Variants in LIX1L observed in about 807,000 individuals in gnomAD.
LIX1L encodes limb and CNS expressed 1 like, also known as LIX1-like protein.
In LIX1L, 20 loss-of-function variants were observed where a neutral mutation model predicts 34.0. That is an observed-to-expected ratio of 0.59 (90% CI 0.41 to 0.85). The LOEUF (loss-of-function observed/expected upper bound fraction) is 0.85, where lower values mean the gene tolerates loss of function less well. Among genes scored for constraint, LIX1L ranks in the 40% least tolerant of loss-of-function variants. LIX1L has a pLI of 0.00. For synonymous variants in LIX1L, 170 were observed against 187.4 expected (o/e 0.91, Z 0.76); for missense variants, 397 against 447.0 (o/e 0.89, Z 1.01).
intron 2 of LIX1L, among the ~76,000 whole-genome samples, chr1:145,946,312 C>T (rs1340185417): frequency 6.6e-6 from 1 of 151,372 alleles, no homozygotes; most frequent in Non-Finnish European, 1.5e-5. Context: ...AATTCTCCTG[C>T]CTCAGCCTCC....
Position 145,957,982 on chromosome 1 carries a change from T to C in LIX1L, c.-55A>G. On this transcript the variant is annotated 5_prime_UTR_variant, in exon 1 of 6. Coordinates refer to ENST00000604000, the MANE Select transcript of LIX1L (RefSeq NM_153713.3). ...GCCTGCCAGCCTGCCGAGCTAACGG[T>C]CCCAACCACCCCAGTCAGCTAGCGC... The C allele has an allele frequency of 7.9e-7, 1 of 1,270,304 alleles. No homozygotes were observed. The highest frequency in any genetic ancestry group is 1.0e-6 in the Non-Finnish European group (1 of 966,962). The allele number at this position is 1,270,304 out of a possible 1,614,324, so 78.7% of individuals were successfully genotyped here.
chr1:145,951,377 T>C (rs1553759825), intron 1 of LIX1L, among the ~76,000 whole-genome samples: 1 of 152,142 alleles, frequency 6.6e-6, no homozygotes, highest in African/African-American at 2.4e-5. Flanking sequence ...TGGCCAATAA[T>C]AAATTATCTC....
In LIX1L at chr1:145,947,433, G is replaced by A. The variant is rs587660916; in HGVS notation, c.456+186C>T. 2.1e-3 allele frequency: 1,254 copies of A among 605,202 alleles called. 34 individuals are homozygous for A. The South Asian group carries it at 0.029, about 14-fold the overall frequency. The allele number at this position is 605,202 out of a possible 1,614,324, so 37.5% of individuals were successfully genotyped here. On this transcript the variant is annotated intron_variant, in intron 2 of 5. Coordinates refer to ENST00000604000, the MANE Select transcript of LIX1L (RefSeq NM_153713.3). ...CAAAATGGGTTTGAGTTTTTGAAAG[G>A]AAAGCATGCTACTGAGGTTCTACTA...
chr1:145,950,348 C>T (rs914325977), intron 1 of LIX1L: 2 of 152,180 alleles, frequency 1.3e-5, no homozygotes, highest in Non-Finnish European at 2.9e-5. Flanking sequence ...CAATCTCAGA[C>T]TGTAGTACAG....
chr1:145,952,308 G>C (rs1380822796), intron 1 of LIX1L, among the ~76,000 whole-genome samples: 2 of 152,172 alleles, frequency 1.3e-5, no homozygotes, highest in African/African-American at 4.8e-5. Flanking sequence ...ATGGGTATAT[G>C]TGGAGCACCC....
At chr1:145,952,620 T>G (rs1570972638) in intron 1 of LIX1L, among the ~76,000 whole-genome samples, 1 of 152,180 alleles carries the variant, frequency 6.6e-6, no homozygotes, top group African/African-American at 2.4e-5. Context: ...AAAAACTTTT[T>G]TTTTTTTTTG....
rs895273607 is a variant in LIX1L at position 145,933,846 on chromosome 1, C to T, written c.*2464G>A. On this transcript the variant is annotated 3_prime_UTR_variant, in exon 6 of 6. Coordinates refer to ENST00000604000, the MANE Select transcript of LIX1L (RefSeq NM_153713.3). ...AGGGCCTGGAGAATTCAAGGAAGCC[C>T]GTTTCAAGCACTAATAAAATTGTAG... 1 of 152,112 alleles carries T rather than the reference C, an allele frequency of 6.6e-6. No individual in the cohort carries two copies. Among genetic ancestry groups the T allele is most frequent in the Non-Finnish European group, 1.5e-5 (1 of 68,022 alleles). The allele number at this position is 152,112 out of a possible 1,614,324, so 9.4% of individuals were successfully genotyped here.
In LIX1L at chr1:145,957,737, A is replaced by G; in HGVS notation, c.191T>C (p.Leu64Pro). The stretch of plus-strand genomic sequence containing the variant: ...GCCGGCGGCGCCGGGGGGCAGGGGT[A>G]GTCCTGGGGCCCCAGACAGGAGCAG... ...PPLLLSGAPG[L>P]PLPPGAAGSP... The change falls in exon 1 of 6, where the codon CTA becomes CCA. Residue 64 changes from leucine (L) to proline (P), a missense_variant. Transcript: ENST00000604000. The G allele has an allele frequency of 6.9e-7, 1 of 1,443,444 alleles. No individual in the cohort carries two copies. Among genetic ancestry groups the G allele is most frequent in the Non-Finnish European group, 9.1e-7 (1 of 1,102,884 alleles). The allele number at this position is 1,443,444 out of a possible 1,614,324, so 89.4% of individuals were successfully genotyped here.
At chr1:145,951,652 A>G (rs1649303906) in intron 1 of LIX1L, among the ~76,000 whole-genome samples, 1 of 152,226 alleles carries the variant, frequency 6.6e-6, no homozygotes, top group African/African-American at 2.4e-5. Flanking sequence ...TCAAAGGTCA[A>G]TACTGACCAG....
At position 145,933,847 on chromosome 1, in the gene LIX1L, G is replaced by A. The variant is rs16826967; in HGVS notation, c.*2463C>T. 10,790 of 152,104 alleles carry A rather than the reference G, an allele frequency of 0.071. 1,285 individuals carry two copies. Among genetic ancestry groups the A allele is most frequent in the African/African-American group, 0.24 (10,100 of 41,466 alleles). 9.4% of individuals were successfully genotyped at this position (152,104 alleles called of 1,614,324 possible). On this transcript the variant is annotated 3_prime_UTR_variant, in exon 6 of 6. Transcript: ENST00000604000. Reference sequence around the variant, plus strand: ...GGGCCTGGAGAATTCAAGGAAGCCCGTTTCAAGCACTAATAAAATTGTAGC... The same window carrying A: ...GGGCCTGGAGAATTCAAGGAAGCCCATTTCAAGCACTAATAAAATTGTAGC...
At chr1:145,955,049 G>A (rs1421709285) in intron 1 of LIX1L, among the ~76,000 whole-genome samples, 2 of 152,002 alleles carry the variant, frequency 1.3e-5, no homozygotes, top group African/African-American at 2.4e-5. Context: ...ATCAAGATAG[G>A]GACTAAATAT....
chr1:145,951,114 T>G (rs1186963868), intron 1 of LIX1L, among the ~76,000 whole-genome samples: 4 of 152,206 alleles, frequency 2.6e-5, no homozygotes, highest in Non-Finnish European at 5.9e-5. Flanking sequence ...TGGCGCAATC[T>G]TGGCTCACTG....
Position 145,957,855 on chromosome 1 carries a change from G to T in LIX1L, c.73C>A (p.Arg25=). 6.9e-7 allele frequency: 1 copy of T among 1,450,416 alleles called. No homozygotes were observed. The allele number at this position is 1,450,416 out of a possible 1,614,324, so 89.8% of individuals were successfully genotyped here. Residue 25 remains arginine (R), a synonymous_variant, in exon 1 of 6, where the codon CGG becomes AGG. Coordinates refer to ENST00000604000, the MANE Select transcript of LIX1L (RefSeq NM_153713.3). The part of the protein sequence containing the change: ...TSGRGTLRAL[R]PGVTGAAAAT... Reference sequence around the variant, plus strand: ...GCCGCGGCCCCAGTCACTCCGGGCCGCAGCGCTCGGAGAGTGCCCCTCCCG... The same window carrying T: ...GCCGCGGCCCCAGTCACTCCGGGCCTCAGCGCTCGGAGAGTGCCCCTCCCG...
rs1553759377 is a variant in LIX1L, at chr1:145,947,599, T to C, written c.456+20A>G. 1.2e-6 allele frequency: 2 copies of C among 1,612,632 alleles called. No individual in the cohort carries two copies. Among genetic ancestry groups the C allele is most frequent in the East Asian group, 4.5e-5 (2 of 44,844 alleles). ...ACATCTAAGCATTTACCTTTGCTAC[T>C]GCCACCTCACAACTCTTACCTGGAA... On this transcript the variant is annotated intron_variant, in intron 2 of 5. Coordinates refer to ENST00000604000, the MANE Select transcript of LIX1L (RefSeq NM_153713.3).
At position 145,934,475 on chromosome 1, in the gene LIX1L, G is replaced by C. The variant is rs1204848940; in HGVS notation, c.*1835C>G. The C allele has an allele frequency of 6.6e-6, 1 of 151,966 alleles. No individual in the cohort carries two copies. The highest frequency in any genetic ancestry group is 1.5e-5 in the Non-Finnish European group (1 of 68,116). 9.4% of individuals were successfully genotyped at this position (151,966 alleles called of 1,614,324 possible). ...TGTAGTCCCAGCTACTAAGGAGGCT[G>C]AGGCAGGAGAGTGGCGTGAACCCGG... On this transcript the variant is annotated 3_prime_UTR_variant, in exon 6 of 6. Transcript: ENST00000604000.
chr1:145,939,139 G>A (rs1183624540), intron 3 of LIX1L, among the ~76,000 whole-genome samples: 5 of 151,360 alleles, frequency 3.3e-5, no homozygotes, highest in African/African-American at 9.7e-5. Flanking sequence ...CTCCATACCC[G>A]GCTAATTATT....
Position 145,957,929 on chromosome 1 carries a change from C to T in LIX1L, c.-2G>A, listed in dbSNP as rs1343331259. 2.0e-6 allele frequency: 3 copies of T among 1,480,430 alleles called. No homozygotes were observed. Among genetic ancestry groups the T allele is most frequent in the Non-Finnish European group, 2.7e-6 (3 of 1,118,776 alleles). The allele number at this position is 1,480,430 out of a possible 1,614,324, so 91.7% of individuals were successfully genotyped here. A position where few individuals can be genotyped will look rare whatever the true frequency, so the allele number is the denominator to read the frequency against. Reference sequence around the variant, plus strand: ...CCGCTGCGCTCGCATAGTCTCCATCCCGGCCGCCAATGGAGTAGCGCCCCG... The same window carrying T: ...CCGCTGCGCTCGCATAGTCTCCATCTCGGCCGCCAATGGAGTAGCGCCCCG... On this transcript the variant is annotated 5_prime_UTR_variant, in exon 1 of 6. Coordinates refer to ENST00000604000, the MANE Select transcript of LIX1L (RefSeq NM_153713.3).
chr1:145,941,892 C>T (rs587623674), intron 3 of LIX1L: 3 of 151,830 alleles, frequency 2.0e-5, no homozygotes, highest in African/African-American at 7.3e-5. Flanking sequence ...TATGGTTATT[C>T]TTCTTTTTTG....
chr1:145,943,616 T>C (rs1475918613), intron 2 of LIX1L, among the ~76,000 whole-genome samples: 3 of 152,196 alleles, frequency 2.0e-5, no homozygotes, highest in African/African-American at 7.2e-5. Flanking sequence ...ATTATTCAAC[T>C]TCAGATCTCT....
Sources: allele counts gnomAD v4.1 joint callset (sites outside exome capture counted in the v4.1 genomes callset), GRCh38; gene constraint gnomAD v4.1.1; transcripts MANE v1.5; gene names NCBI Gene and HGNC (gene_info 2026-07-23, HGNC 2026-07-21).